Variants in TRMT11 observed in about 807,000 individuals in gnomAD.
The protein encoded by TRMT11 is tRNA (guanine(10)-N(2))-methyltransferase TRMT11.
In TRMT11, 53 loss-of-function variants were observed where a neutral mutation model predicts 62.8. The observed-to-expected ratio is 0.84, with a 90% CI of 0.68 to 1.06. The LOEUF is 1.06. Among genes scored for constraint, TRMT11 ranks in the 50% least tolerant of loss-of-function variants. The pLI, the probability that TRMT11 is intolerant of heterozygous loss-of-function variation, is 0.00. For synonymous variants in TRMT11, 188 were observed against 190.3 expected (o/e 0.99, Z 0.10); for missense variants, 556 against 553.4 (o/e 1.00, Z -0.05).
intron 1 of TRMT11, among the ~76,000 whole-genome samples, chr6:126,186,921 A>G (rs1054654629): frequency 5.9e-5 from 9 of 152,090 alleles, no homozygotes; most frequent in African/African-American, 1.7e-4. Context: ...TAAAAAGTCA[A>G]TGCCTATTAA....
intron 1 of TRMT11, among the ~76,000 whole-genome samples, chr6:126,193,709 G>A (rs974230807): frequency 1.3e-5 from 2 of 151,726 alleles, no homozygotes; most frequent in Non-Finnish European, 2.9e-5. Context: ...TAGCCAGGAT[G>A]TTCTTGATCT....
chr6:126,102,739 T>G (rs1430373068), intron 17 of TRMT11, among the ~76,000 whole-genome samples: 2 of 152,128 alleles, frequency 1.3e-5, no homozygotes, highest in Non-Finnish European at 2.9e-5. Flanking sequence ...TTTACTGAAC[T>G]GCACTCTCTT....
the TRMT11 span, chr6:126,258,131 C>A: frequency 1.2e-6 from 1 of 827,384 alleles, no homozygotes; most frequent in Non-Finnish European, 2.1e-6. Context: ...GTTGTGTCAG[C>A]TGCTCCATGA....
chr6:126,175,549 G>A (rs1050275196), upstream of TRMT11, among the ~76,000 whole-genome samples: 1 of 152,080 alleles, frequency 6.6e-6, no homozygotes, highest in Non-Finnish European at 1.5e-5. Context: ...TGAAAACTTT[G>A]GATAAGCATT....
At chr6:126,009,727 GAT>G in intron 8 of TRMT11, among the ~76,000 whole-genome samples, 1 of 152,060 alleles carries the variant, frequency 6.6e-6, no homozygotes. Flanking sequence ...GCAAGAAAAA[GAT>G]ATTCTTTATC....
At chr6:126,101,265 G>A (rs1777396847) in intron 17 of TRMT11, among the ~76,000 whole-genome samples, 1 of 152,056 alleles carries the variant, frequency 6.6e-6, no homozygotes, top group African/African-American at 2.4e-5. Context: ...GAAAAGACGT[G>A]CTCTTAGGCA....
chr6:126,109,133 A>G (rs1413212556), intron 17 of TRMT11, among the ~76,000 whole-genome samples: 2 of 152,180 alleles, frequency 1.3e-5, no homozygotes, highest in Non-Finnish European at 2.9e-5. Context: ...TTCTAAGAAA[A>G]AGTAAATTCT....
chr6:126,039,996 G>A (rs1775825744), downstream of TRMT11, among the ~76,000 whole-genome samples: 1 of 152,020 alleles, frequency 6.6e-6, no homozygotes, highest in African/African-American at 2.4e-5. Flanking sequence ...TGATTATTTT[G>A]TTTGGGTTTC....
chr6:126,132,661 T>C (rs1419773046), intron 21 of TRMT11, among the ~76,000 whole-genome samples: 5 of 152,058 alleles, frequency 3.3e-5, no homozygotes, highest in Non-Finnish European at 1.5e-5. Flanking sequence ...CTGAAACTGA[T>C]TGCAGTAGTA....
intron 17 of TRMT11, among the ~76,000 whole-genome samples, chr6:126,079,009 A>G (rs1266516513): frequency 2.0e-5 from 3 of 152,170 alleles, no homozygotes; most frequent in African/African-American, 7.2e-5. Flanking sequence ...TGAGTAAACT[A>G]TGGACTTAGA....
chr6:126,058,408 A>G (rs1017752560), intron 17 of TRMT11, among the ~76,000 whole-genome samples: 2 of 152,228 alleles, frequency 1.3e-5, no homozygotes, highest in African/African-American at 2.4e-5. Flanking sequence ...CAGTGCTGCA[A>G]TAAACATACA....
chr6:126,210,445 C>A, the TRMT11 span, among the ~76,000 whole-genome samples: 25 of 152,284 alleles, frequency 1.6e-4, no homozygotes, highest in African/African-American at 5.5e-4. Flanking sequence ...ACTTTGATTG[C>A]AGCTATGTAA....
rs1467626263 is a variant in TRMT11, at chr6:125,991,262, T to A, written c.73-2495T>A. ...CTCCATCTCAAAAAAAAAAAAAAAA[T>A]TTTTTTTGGAGACTGTTCTCTCTCT... On this transcript the variant is annotated intron_variant, in intron 1 of 12. Transcript: ENST00000334379. 1.7e-4 allele frequency among the ~76,000 whole-genome samples: 23 copies of A among 136,816 alleles called. No homozygotes were observed. In the South Asian group the frequency reaches 1.9e-3, roughly 12 times the overall value. The allele number at this position is 136,816 out of a possible 152,430, so 89.8% of individuals were successfully genotyped here.
chr6:126,003,554 T>G (rs1792861607), intron 7 of TRMT11, among the ~76,000 whole-genome samples: 1 of 152,240 alleles, frequency 6.6e-6, no homozygotes, highest in African/African-American at 2.4e-5. Flanking sequence ...TATTTCAGGC[T>G]TTTGAAGTTT....
the TRMT11 span, among the ~76,000 whole-genome samples, chr6:126,271,192 G>T: frequency 4.0e-5 from 6 of 151,312 alleles, no homozygotes; most frequent in Admixed American, 2.0e-4. Context: ...GGTGAAATCC[G>T]ATCTCTACTA....
intron 21 of TRMT11, among the ~76,000 whole-genome samples, chr6:126,152,861 T>C (rs1778074788): frequency 6.6e-6 from 1 of 152,152 alleles, no homozygotes; most frequent in African/African-American, 2.4e-5. Context: ...GCAATTCAAG[T>C]CCTGAAGACA....
At chr6:126,026,826 G>A (rs1202637301) in intron 12 of TRMT11, among the ~76,000 whole-genome samples, 8 of 130,272 alleles carry the variant, frequency 6.1e-5, no homozygotes, top group South Asian at 2.4e-4. Flanking sequence ...TTTTTGAGAC[G>A]GAGTCTTGCT....
the TRMT11 span, chr6:126,258,069 TC>T: frequency 8.8e-7 from 1 of 1,138,988 alleles, no homozygotes; most frequent in Non-Finnish European, 1.3e-6. Flanking sequence ...GTCCAGGAGT[TC>T]ATCCACGTCA....
intron 17 of TRMT11, among the ~76,000 whole-genome samples, chr6:126,098,103 C>A (rs1777359493): frequency 6.6e-6 from 1 of 152,110 alleles, no homozygotes; most frequent in African/African-American, 2.4e-5. Flanking sequence ...CCTCAGAAGG[C>A]CACCCTGGAG....
Sources: allele counts gnomAD v4.1 joint callset (sites outside exome capture counted in the v4.1 genomes callset), GRCh38; gene constraint gnomAD v4.1.1; transcripts MANE v1.5; gene names NCBI Gene and HGNC (gene_info 2026-07-23, HGNC 2026-07-21).